NEB: variants seen among roughly 807,000 people sequenced by gnomAD.
NEB encodes nemaline myopathy type 2.
Under a neutral mutation model 952.2 loss-of-function variants are expected in NEB, and 512 were observed. The ratio of observed to expected loss-of-function variants is 0.54; its 90% CI spans 0.50 to 0.58. NEB has a LOEUF of 0.58. Among genes scored for constraint, NEB ranks in the 20% least tolerant of loss-of-function variants. The pLI is 0.00. For missense variants in NEB, 8,428 were observed against 9,231.1 expected (o/e 0.91, Z 3.56); for synonymous variants, 2,900 against 3,149.8 (o/e 0.92, Z 2.66).
chr2:151,673,780 C>T (rs1424225157), intron 36 of NEB, among the ~76,000 whole-genome samples: 1 of 136,060 alleles, frequency 7.3e-6, no homozygotes, highest in Non-Finnish European at 1.5e-5. Context: ...GTCGCCCAGG[C>T]TGGAGTGCAG....
intron 117 of NEB, 137 bp from the exon 118 acceptor site, chr2:151,564,067 T>C (rs1414265287): frequency 3.1e-6 from 2 of 637,578 alleles, no homozygotes; most frequent in Admixed American, 2.9e-5. Flanking sequence ...CATTAGTGCA[T>C]CTACCTAGAA....
At chr2:151,729,795 C>T (rs754972801) in intron 3 of NEB, 139 bp from the exon 4 acceptor site, 45 of 850,550 alleles carry the variant, frequency 5.3e-5, no homozygotes, top group Non-Finnish European at 8.4e-5. Context: ...GTGAGGGAGC[C>T]TGTTCATATT....
At chr2:151,700,795 T>C (rs1421944414) in intron 13 of NEB, among the ~76,000 whole-genome samples, 1 of 138,110 alleles carries the variant, frequency 7.2e-6, no homozygotes, top group Non-Finnish European at 1.6e-5. Context: ...AGATATACAA[T>C]CATGTCGTCT....
In NEB at chr2:151,555,182, T is replaced by C. The variant is rs1395329294; in HGVS notation, c.19315-138A>G. 20 of 637,704 alleles carry C rather than the reference T, an allele frequency of 3.1e-5. No homozygotes were observed. In the East Asian group the frequency reaches 5.2e-4, roughly 16 times the overall value. The allele number at this position is 637,704 out of a possible 1,614,324, so 39.5% of individuals were successfully genotyped here. ...TGGGGACAACACTTCTCTGAACTCATTTCCCCACCTGTACAGAGAGATACA... is the reference window on the plus strand; with the variant it reads ...TGGGGACAACACTTCTCTGAACTCACTTCCCCACCTGTACAGAGAGATACA... On this transcript the variant is annotated intron_variant, in intron 124 of 181. Coordinates refer to ENST00000397345, the MANE Select transcript of NEB (RefSeq NM_001164508.2).
intron 68 of NEB, among the ~76,000 whole-genome samples, chr2:151,628,109 G>A (rs1253839581): frequency 6.6e-6 from 1 of 152,154 alleles, no homozygotes; most frequent in Non-Finnish European, 1.5e-5. Flanking sequence ...TGGTCCTATG[G>A]CTTGTAGACG....
rs758366497 is a variant in NEB at position 151,627,751 on chromosome 2, C to T, written c.9915G>A (p.Trp3305Ter). 6.2e-7 allele frequency: 1 copy of T among 1,613,928 alleles called. No homozygotes were observed. Reference sequence around the variant, plus strand: ...TCTGGATCTTGGCCACATGCATGGACCACATCATCTTGGGGTCATCTTCAA... The same window carrying T: ...TCTGGATCTTGGCCACATGCATGGATCACATCATCTTGGGGTCATCTTCAA... ...RNIEDDPKMM[W>*]SMHVAKIQSD... The change falls in exon 69 of 182, where the codon TGG becomes TGA. Residue 3305 changes from tryptophan (W) to a stop codon, truncating the protein, a stop_gained. Coordinates refer to ENST00000397345, the MANE Select transcript of NEB (RefSeq NM_001164508.2). LOFTEE classifies it high-confidence loss of function.
At position 151,671,038 on chromosome 2, in the gene NEB, T is replaced by C. The variant is rs768573144; in HGVS notation, c.4491A>G (p.Thr1497=). The C allele has an allele frequency of 6.2e-7, 1 of 1,613,850 alleles. No individual in the cohort carries two copies. Among genetic ancestry groups the C allele is most frequent in the Non-Finnish European group, 8.5e-7 (1 of 1,179,742 alleles). Residue 1497 remains threonine (T), a synonymous_variant, in exon 38 of 182, where the codon ACA becomes ACG. Transcript: ENST00000397345. The part of the protein sequence containing the change: ...SMGMVLAQHN[T]KQLSDLNYKV... ...AAGCACTCACATCACTTAGCTGCTTTGTGTTATGCTGAGCCAACACCATGC... is the reference window on the plus strand; with the variant it reads ...AAGCACTCACATCACTTAGCTGCTTCGTGTTATGCTGAGCCAACACCATGC...
intron 12 of NEB, 50 bp from the exon 13 acceptor site, chr2:151,707,047 C>T (rs886331105): frequency 1.2e-5 from 15 of 1,208,394 alleles, no homozygotes; most frequent in East Asian, 2.6e-5. Flanking sequence ...TTATTTTTGC[C>T]CCCGTCTCTA....
chr2:151,643,763 T>C (rs1051815764), intron 57 of NEB, 55 bp downstream of exon 57: 7 of 1,583,500 alleles, frequency 4.4e-6, no homozygotes, highest in Middle Eastern at 1.7e-4. Context: ...GGGACTCTGA[T>C]ACTTTAAAAA....
intron 71 of NEB, among the ~76,000 whole-genome samples, chr2:151,625,276 T>C (rs1367917727): frequency 2.6e-5 from 4 of 152,190 alleles, no homozygotes; most frequent in African/African-American, 9.6e-5. Context: ...TAGTCATTAA[T>C]AGTTGACTTG....
chr2:151,631,603 G>A (rs1201291395), intron 65 of NEB, among the ~76,000 whole-genome samples: 1 of 152,108 alleles, frequency 6.6e-6, no homozygotes, highest in Non-Finnish European at 1.5e-5. Context: ...TTGGTTCAGT[G>A]AACATTATCA....
At chr2:151,643,385 T>C (rs1269470366) in intron 57 of NEB, 32 bp from the exon 58 acceptor site, 1 of 1,539,524 alleles carries the variant, frequency 6.5e-7, no homozygotes. Flanking sequence ...TTGTCATAAT[T>C]AAATCATTTA....
chr2:151,627,465 T>A, intron 69 of NEB, 58 bp downstream of exon 69: 1 of 1,580,254 alleles, frequency 6.3e-7, no homozygotes, highest in Non-Finnish European at 8.7e-7. Flanking sequence ...GACCACTGTC[T>A]CAGTATTTCT....
chr2:151,563,255 T>C (rs2096198463), intron 119 of NEB, among the ~76,000 whole-genome samples: 1 of 152,146 alleles, frequency 6.6e-6, no homozygotes, highest in Non-Finnish European at 1.5e-5. Context: ...CCTCTGGTGA[T>C]CTGCCTGCCT....
chr2:151,554,456 G>A (rs1485517989), intron 125 of NEB, among the ~76,000 whole-genome samples: 1 of 152,150 alleles, frequency 6.6e-6, no homozygotes, highest in Non-Finnish European at 1.5e-5. Flanking sequence ...TTACTCAGCA[G>A]GCTGAGGTGG....
chr2:151,604,949 C>T, intron 84 of NEB, 78 bp from the exon 85 acceptor site: 1 of 501,788 alleles, frequency 2.0e-6, no homozygotes, highest in Non-Finnish European at 3.5e-6. Flanking sequence ...TAAATGGTTT[C>T]AGTATGTTTT....
chr2:151,688,170 C>T (rs2099517497), intron 25 of NEB, 122 bp downstream of exon 25: 3 of 797,438 alleles, frequency 3.8e-6, no homozygotes, highest in Non-Finnish European at 5.9e-6. Flanking sequence ...AAAAGCTCCA[C>T]TTACAAAGTA....
At chr2:151,687,593 G>C (rs1258400840) in intron 26 of NEB, 33 bp downstream of exon 26, 1 of 1,613,172 alleles carries the variant, frequency 6.2e-7, no homozygotes, top group Non-Finnish European at 8.5e-7. Context: ...AGGCCACCCT[G>C]TCCAGGTCCC....
At chr2:151,548,995 A>G (rs2095050536) in intron 130 of NEB, among the ~76,000 whole-genome samples, 1 of 152,158 alleles carries the variant, frequency 6.6e-6, no homozygotes, top group Non-Finnish European at 1.5e-5. Flanking sequence ...TGGGATGGCC[A>G]CGATTTCCCT....
Sources: allele counts gnomAD v4.1 joint callset (sites outside exome capture counted in the v4.1 genomes callset), GRCh38; gene constraint gnomAD v4.1.1; transcripts MANE v1.5; gene names NCBI Gene and HGNC (gene_info 2026-07-23, HGNC 2026-07-21).